The following IFT80 variants were observed in gnomAD, a reference collection of about 807,000 sequenced individuals.
The protein encoded by IFT80 is intraflagellar transport protein 80 homolog.
A neutral mutation model predicts 107.9 loss-of-function variants in IFT80; 79 were observed. The observed-to-expected ratio is 0.73, with a 90% CI of 0.61 to 0.88. The LOEUF is 0.88. IFT80 is among the 40% of genes least tolerant of loss of function. The pLI, the probability that IFT80 is intolerant of heterozygous loss-of-function variation, is 0.00. For missense variants in IFT80, 797 were observed against 914.2 expected (o/e 0.87, Z 1.65); for synonymous variants, 299 against 300.9 (o/e 0.99, Z 0.07).
At chr3:160,397,979 C>CT (rs1713959754) in intron 1 of IFT80, among the ~76,000 whole-genome samples, 1 of 152,024 alleles carries the variant, frequency 6.6e-6, no homozygotes, top group Non-Finnish European at 1.5e-5. Flanking sequence ...GTTGATACCT[C>CT]CCCAACTCAG....
chr3:160,275,450 T>C (rs958839922), intron 18 of IFT80, among the ~76,000 whole-genome samples: 35 of 152,240 alleles, frequency 2.3e-4, no homozygotes, highest in Admixed American at 6.5e-4. Context: ...CAGATATTTA[T>C]GTTATCTTTC....
At chr3:160,342,148 T>C (rs1353155159) in intron 8 of IFT80, among the ~76,000 whole-genome samples, 2 of 152,120 alleles carry the variant, frequency 1.3e-5, no homozygotes, top group East Asian at 1.9e-4. Flanking sequence ...AAAGGTATCA[T>C]AGAATCGTGG....
rs534479641 is a variant in IFT80 at position 160,261,236 on chromosome 3, C to T, written c.2224-2601G>A. Among the ~76,000 whole-genome samples, 18 of 152,096 alleles carry T rather than the reference C, an allele frequency of 1.2e-4. No individual in the cohort carries two copies. The South Asian group carries it at 3.5e-3, about 30-fold the overall frequency. On this transcript the variant is annotated intron_variant, in intron 19 of 19. Transcript: ENST00000326448. ...CCTGTGACACTTTAAGAACTTTGCACTAAAACCACCTTCGGCTGTTTTCAG... is the reference window on the plus strand; with the variant it reads ...CCTGTGACACTTTAAGAACTTTGCATTAAAACCACCTTCGGCTGTTTTCAG...
Position 160,321,881 on chromosome 3 carries a change from A to G in IFT80, c.778-1942T>C, listed in dbSNP as rs570380679. Among the ~76,000 whole-genome samples, 20 of 151,810 alleles carry G rather than the reference A, an allele frequency of 1.3e-4. No homozygotes were observed. In the South Asian group the frequency reaches 3.5e-3, roughly 27 times the overall value. The stretch of plus-strand genomic sequence containing the variant: ...ATTTAATCTGTGCATAATTTCAAGG[A>G]CATTGATGGAGAAAGATGCTCTTTC... On this transcript the variant is annotated intron_variant, in intron 8 of 19. Transcript: ENST00000326448.
At chr3:160,328,896 C>T (rs1241097301) in intron 8 of IFT80, among the ~76,000 whole-genome samples, 2 of 151,772 alleles carry the variant, frequency 1.3e-5, no homozygotes, top group Non-Finnish European at 2.9e-5. Flanking sequence ...GCAGAAAAAG[C>T]AGAAAACCAA....
In IFT80 at chr3:160,257,284, TC is replaced by T. The variant is rs898144648; in HGVS notation, c.*1240del. 2.0e-5 allele frequency: 3 copies of T among 152,132 alleles called. No individual in the cohort carries two copies. Among genetic ancestry groups the T allele is most frequent in the African/African-American group, 7.2e-5 (3 of 41,454 alleles). 9.4% of individuals were successfully genotyped at this position (152,132 alleles called of 1,614,324 possible). A position where few individuals can be genotyped will look rare whatever the true frequency, so the allele number is the denominator to read the frequency against. On this transcript the variant is annotated 3_prime_UTR_variant, in exon 20 of 20. Transcript: ENST00000326448. ...GGGGTTAAGAGAGGTAATCTCTCTA[TC>T]CCTTTGTGTGTGTGTGTATATATAT...
At chr3:160,345,693 C>CAAAA (rs75389794) in intron 8 of IFT80, among the ~76,000 whole-genome samples, 6 of 74,844 alleles carry the variant, frequency 8.0e-5, no homozygotes, top group Non-Finnish European at 1.2e-4. Flanking sequence ...GACTCTGTCT[C>CAAAA]AAAAAAAAAA....
intron 9 of IFT80, among the ~76,000 whole-genome samples, chr3:160,314,283 G>A (rs1048340332): frequency 1.3e-5 from 2 of 152,144 alleles, no homozygotes; most frequent in African/African-American, 4.8e-5. Context: ...AGTGGCAGGA[G>A]AGAAACAAAG....
chr3:160,359,967 C>T (rs558797510), intron 6 of IFT80, among the ~76,000 whole-genome samples: 1 of 152,312 alleles, frequency 6.6e-6, no homozygotes, highest in East Asian at 1.9e-4. Context: ...ATCGCAGCTC[C>T]TCGCCAGCAA....
intron 6 of IFT80, among the ~76,000 whole-genome samples, chr3:160,364,077 G>A (rs949102086): frequency 1.3e-5 from 2 of 152,108 alleles, no homozygotes; most frequent in African/African-American, 4.8e-5. Flanking sequence ...GCAACCTACA[G>A]AATGGGAGAA....
intron 1 of IFT80, among the ~76,000 whole-genome samples, chr3:160,387,852 C>T (rs1713059791): frequency 6.6e-6 from 1 of 152,196 alleles, no homozygotes; most frequent in East Asian, 1.9e-4. Flanking sequence ...GATTCAATGG[C>T]CTGGAAATCC....
chr3:160,322,940 T>C (rs1718366553), intron 8 of IFT80, among the ~76,000 whole-genome samples: 1 of 151,780 alleles, frequency 6.6e-6, no homozygotes, highest in Admixed American at 6.6e-5. Flanking sequence ...ATATTAGCCC[T>C]TTGTCAGATG....
At chr3:160,264,153 A>C (rs1040862870) in intron 19 of IFT80, among the ~76,000 whole-genome samples, 1 of 151,492 alleles carries the variant, frequency 6.6e-6, no homozygotes, top group South Asian at 2.1e-4. Context: ...TCTGTTGCCC[A>C]GGTTGGAGTG....
At chr3:160,360,353 A>G (rs550619220) in intron 6 of IFT80, among the ~76,000 whole-genome samples, 3 of 152,362 alleles carry the variant, frequency 2.0e-5, no homozygotes, top group African/African-American at 7.2e-5. Context: ...ATATGGGACT[A>G]TGTGAAAAGA....
intron 8 of IFT80, among the ~76,000 whole-genome samples, chr3:160,328,563 T>G (rs1030996120): frequency 6.6e-6 from 1 of 151,728 alleles, no homozygotes; most frequent in South Asian, 2.1e-4. Context: ...GTAAATTAGT[T>G]CATTGTGGAA....
In IFT80 at chr3:160,309,389, T is replaced by C. The variant is rs186671435; in HGVS notation, c.958-1608A>G. Among the ~76,000 whole-genome samples, 680 of 152,138 alleles carry C rather than the reference T, an allele frequency of 4.5e-3. 2 individuals are homozygous for C. The highest frequency in any genetic ancestry group is 8.3e-3 in the Non-Finnish European group (564 of 67,980). ...GGAAGATCTATAGATGTCCATGAGA[T>C]GTAGTAAAGTGAAAAAATGCGCTAG... On this transcript the variant is annotated intron_variant, in intron 9 of 19. Transcript: ENST00000326448.
chr3:160,313,608 A>T (rs927012488), intron 9 of IFT80, among the ~76,000 whole-genome samples: 14 of 139,762 alleles, frequency 1.0e-4, no homozygotes, highest in South Asian at 4.6e-4. Flanking sequence ...TCTGTGCTGA[A>T]TTTTTTTTTT....
chr3:160,292,182 C>T (rs1367553430), intron 12 of IFT80, among the ~76,000 whole-genome samples: 2 of 152,146 alleles, frequency 1.3e-5, no homozygotes, highest in African/African-American at 2.4e-5. Flanking sequence ...GGTAGCCTGG[C>T]ACATACTGAG....
chr3:160,328,044 C>G (rs539336391), intron 8 of IFT80, among the ~76,000 whole-genome samples: 7 of 152,242 alleles, frequency 4.6e-5, no homozygotes, highest in Non-Finnish European at 8.8e-5. Flanking sequence ...AAGATGTCTT[C>G]TCAAAAGAAG....
Sources: allele counts gnomAD v4.1 joint callset (sites outside exome capture counted in the v4.1 genomes callset), GRCh38; gene constraint gnomAD v4.1.1; transcripts MANE v1.5; gene names NCBI Gene and HGNC (gene_info 2026-07-23, HGNC 2026-07-21).